SARNP: variants seen among roughly 807,000 people sequenced by gnomAD.
The protein encoded by SARNP is SAP domain-containing ribonucleoprotein.
A neutral mutation model predicts 38.1 loss-of-function variants in SARNP; 5 were observed. The observed-to-expected ratio is 0.13, with a 90% confidence interval of 0.07 to 0.28. The LOEUF (loss-of-function observed/expected upper bound fraction) is 0.28. SARNP is among the 10% of genes least tolerant of loss of function. The pLI is 1.00. For missense variants in SARNP, 180 were observed against 243.9 expected, an observed-to-expected ratio of 0.74 and a Z score of 1.75; for synonymous variants, 84 against 80.6, an observed-to-expected ratio of 1.04 and a Z score of -0.23.
chr12:55,786,678 T>C (rs1879505599), intron 9 of SARNP, among the ~76,000 whole-genome samples: 1 of 152,154 alleles, frequency 6.6e-6, no homozygotes, highest in Admixed American at 6.5e-5. Flanking sequence ...CTTGAACTCC[T>C]GACCTCGTGA....
chr12:55,809,799 A>G (rs577072011), intron 1 of SARNP, among the ~76,000 whole-genome samples: 7 of 152,160 alleles, frequency 4.6e-5, no homozygotes, highest in Non-Finnish European at 8.8e-5. Flanking sequence ...GGATACTAAC[A>G]TTAATGTAAA....
chr12:55,798,483 G>A (rs1196729732), intron 4 of SARNP, among the ~76,000 whole-genome samples: 1 of 152,298 alleles, frequency 6.6e-6, no homozygotes, highest in South Asian at 2.1e-4. Flanking sequence ...GGACAACGGA[G>A]TGAGTCCCTG....
chr12:55,788,724 A>G (rs1879578738), intron 9 of SARNP, among the ~76,000 whole-genome samples: 1 of 152,132 alleles, frequency 6.6e-6, no homozygotes, highest in Non-Finnish European at 1.5e-5. Flanking sequence ...ACCTGAGCCC[A>G]GGGAGGTCAA....
intron 9 of SARNP, among the ~76,000 whole-genome samples, chr12:55,783,568 G>A (rs1005590838): frequency 8.2e-5 from 12 of 147,022 alleles, no homozygotes; most frequent in Admixed American, 6.1e-4. Context: ...AGGACATGAT[G>A]ATTTAGGGGA....
intron 9 of SARNP, among the ~76,000 whole-genome samples, chr12:55,782,421 G>C (rs956817351): frequency 5.3e-5 from 8 of 152,138 alleles, no homozygotes; most frequent in African/African-American, 1.9e-4. Flanking sequence ...TTCCGAGGGT[G>C]CCAATGTTTG....
At chr12:55,794,289 A>G in intron 7 of SARNP, 70 bp downstream of exon 7, 3 of 1,364,370 alleles carry the variant, frequency 2.2e-6, no homozygotes, top group South Asian at 2.4e-5. Context: ...TTTTGGAGAA[A>G]TAAAACCTGT....
chr12:55,776,611 A>C (rs1461323048), intron 9 of SARNP, among the ~76,000 whole-genome samples: 1 of 152,122 alleles, frequency 6.6e-6, no homozygotes, highest in African/African-American at 2.4e-5. Context: ...TGTGGAACCC[A>C]TGGATACAGA....
intron 1 of SARNP, among the ~76,000 whole-genome samples, chr12:55,807,372 A>C (rs1880179390): frequency 6.6e-6 from 1 of 152,096 alleles, no homozygotes; most frequent in Non-Finnish European, 1.5e-5. Context: ...TTTAATGTCC[A>C]TTTATTAAGT....
rs751978142 is a variant in SARNP, at chr12:55,817,690, C to G, written c.12G>C (p.Glu4Asp). The change falls in exon 1 of 11, where the codon GAG (glutamate) becomes GAC (aspartate). Residue 4 changes from glutamate to aspartate, a missense_variant. Transcript: ENST00000336133. MAT[E>D]TVELHKLKLA... The stretch of plus-strand genomic sequence containing the variant: ...CCTTTAGCTTATGGAGCTCCACCGT[C>G]TCGGTCGCCATCTTGTTACCCCTCA... 5.0e-6 allele frequency: 8 copies of G among 1,613,426 alleles called. No individual in the cohort carries two copies. In the South Asian group the frequency reaches 8.8e-5, roughly 18 times the overall value.
chr12:55,766,002 G>A (rs545220042), intron 9 of SARNP, among the ~76,000 whole-genome samples: 126 of 152,236 alleles, frequency 8.3e-4, no homozygotes, highest in African/African-American at 2.8e-3. Context: ...ATGGGATGGT[G>A]AACCCCATCT....
intron 1 of SARNP, among the ~76,000 whole-genome samples, 179 bp downstream of exon 1, chr12:55,817,487 G>A (rs1218576968): frequency 1.3e-5 from 2 of 152,254 alleles, no homozygotes; most frequent in African/African-American, 4.8e-5. Flanking sequence ...AAAGCCGTGA[G>A]GAGAAATGGG....
At chr12:55,772,415 C>T (rs1879033799) in intron 9 of SARNP, among the ~76,000 whole-genome samples, 1 of 152,140 alleles carries the variant, frequency 6.6e-6, no homozygotes, top group African/African-American at 2.4e-5. Context: ...CAGCTCAGAA[C>T]CACTCACTCA....
intron 9 of SARNP, among the ~76,000 whole-genome samples, chr12:55,774,240 G>C (rs1222861150): frequency 6.6e-6 from 1 of 151,944 alleles, no homozygotes; most frequent in Non-Finnish European, 1.5e-5. Flanking sequence ...GGGCTCAAGT[G>C]ATCCTCCCAC....
downstream of SARNP, chr12:55,756,399 TAA>T (rs1257954291): frequency 6.6e-6 from 1 of 152,124 alleles, no homozygotes; most frequent in East Asian, 1.9e-4. Context: ...TTTGGAGAAA[TAA>T]AGAGATATCT....
chr12:55,769,674 A>T (rs898225709), intron 9 of SARNP, among the ~76,000 whole-genome samples: 4 of 152,310 alleles, frequency 2.6e-5, no homozygotes, highest in Non-Finnish European at 5.9e-5. Flanking sequence ...TTGCCTTAAG[A>T]TTTTTCAACT....
chr12:55,776,558 T>G (rs77232256), intron 9 of SARNP, among the ~76,000 whole-genome samples: 2,858 of 152,322 alleles, frequency 0.019, 52 homozygotes, highest in Middle Eastern at 0.12. Context: ...TGTATTATTT[T>G]TTATTGTTGT....
rs1278739248 is a variant in SARNP, at chr12:55,778,016, G to C, written c.501+11059C>G. On this transcript the variant is annotated intron_variant, in intron 9 of 10. Transcript: ENST00000336133. ...AGAAGTGTGGGTGTGGGGGAAACTG[G>C]GAAGGGAGGGAGATGATGTATTTGT... 2.0e-5 allele frequency among the ~76,000 whole-genome samples: 3 copies of C among 152,166 alleles called. No homozygotes were observed. The East Asian group carries it at 5.8e-4, about 29-fold the overall frequency.
At chr12:55,787,666 C>T (rs558046395) in intron 9 of SARNP, among the ~76,000 whole-genome samples, 1 of 152,098 alleles carries the variant, frequency 6.6e-6, no homozygotes, top group African/African-American at 2.4e-5. Flanking sequence ...CAACTCCTGA[C>T]CTCAGGTGAT....
chr12:55,799,228 T>C (rs1879907389), intron 4 of SARNP, among the ~76,000 whole-genome samples: 1 of 152,240 alleles, frequency 6.6e-6, no homozygotes, highest in Non-Finnish European at 1.5e-5. Context: ...GTACTGACTT[T>C]TTACTTGTAA....
Sources: gnomAD v4.1 joint callset for allele counts (sites outside exome capture counted in the v4.1 genomes callset) on GRCh38, gnomAD v4.1.1 for gene constraint, MANE v1.5 for transcripts, NCBI Gene and HGNC (gene_info 2026-07-23, HGNC 2026-07-21) for gene names.